The following KCNMB2 variants were observed in gnomAD, a reference collection of about 807,000 sequenced individuals.
KCNMB2 encodes the protein calcium-activated potassium channel subunit beta-2.
KCNMB2 carries 9 observed loss-of-function variants against 24.5 expected under a neutral mutation model. The observed-to-expected ratio is 0.37, with a 90% CI of 0.22 to 0.64. The LOEUF is 0.64. Ranked by LOEUF, KCNMB2 falls within the 30% of genes least tolerant of loss-of-function variation. KCNMB2 has a pLI of 0.63. For missense variants in KCNMB2, 226 were observed against 284.3 expected, an observed-to-expected ratio of 0.79 and a Z score of 1.47; for synonymous variants, 109 against 104.4, an observed-to-expected ratio of 1.04 and a Z score of -0.27.
At chr3:178,581,348 C>T (rs564846216) in intron 1 of KCNMB2, among the ~76,000 whole-genome samples, 36 of 152,260 alleles carry the variant, frequency 2.4e-4, no homozygotes, top group South Asian at 6.2e-4. Context: ...CTTCCTTACA[C>T]GTTATACAAA....
intron 2 of KCNMB2, 38 bp downstream of exon 2, chr3:178,807,503 T>A (rs555829559): frequency 6.4e-7 from 1 of 1,553,428 alleles, no homozygotes; most frequent in East Asian, 2.2e-5. Flanking sequence ...TTCAGAAGCA[T>A]TTAACCTGAC....
intron 1 of KCNMB2, among the ~76,000 whole-genome samples, chr3:178,753,639 A>G (rs1166357267): frequency 2.6e-5 from 4 of 152,186 alleles, no homozygotes; most frequent in Non-Finnish European, 5.9e-5. Flanking sequence ...AATTAGATGG[A>G]ATATAGAAAA....
chr3:178,670,685 C>T (rs140493508), intron 1 of KCNMB2, among the ~76,000 whole-genome samples: 4 of 152,214 alleles, frequency 2.6e-5, no homozygotes, highest in Middle Eastern at 3.4e-3. Flanking sequence ...GTTTTGAATC[C>T]GGGCTTTGAA....
chr3:178,576,692 C>G (rs1436062931), intron 1 of KCNMB2, among the ~76,000 whole-genome samples: 1 of 152,158 alleles, frequency 6.6e-6, no homozygotes, highest in Non-Finnish European at 1.5e-5. Context: ...CTTGAGTAGG[C>G]AATTTTCCCC....
chr3:178,573,257 C>T (rs1373390812), intron 1 of KCNMB2, among the ~76,000 whole-genome samples: 1 of 152,146 alleles, frequency 6.6e-6, no homozygotes, highest in Non-Finnish European at 1.5e-5. Flanking sequence ...GATCCACCTG[C>T]TTCAGCATCC....
In KCNMB2 at chr3:178,650,902, A is replaced by G. The variant is rs193288546; in HGVS notation, c.-68+114191A>G. ...TCTCAATAAACTAGGTATTGATGGA[A>G]CGTATCTCAAAATTATAAGAGCTAT... On this transcript the variant is annotated intron_variant, in intron 1 of 4. Transcript: ENST00000452583. 8.7e-4 allele frequency among the ~76,000 whole-genome samples: 133 copies of G among 152,350 alleles called. 1 individual carries two copies. The highest frequency in any genetic ancestry group is 1.3e-3 in the Non-Finnish European group (88 of 68,040).
chr3:178,587,492 T>C (rs557177070), intron 1 of KCNMB2, among the ~76,000 whole-genome samples: 14 of 152,074 alleles, frequency 9.2e-5, no homozygotes, highest in African/African-American at 3.4e-4. Flanking sequence ...GGTGCCATCT[T>C]GGCTCACTGC....
rs1715480997 is a variant in KCNMB2, at chr3:178,842,946, A to C, written c.*9A>C. Reference sequence around the variant, plus strand: ...AACGGATCAATAGATAAATGCAAAAATGGATAAAATAATTTTTGTTAAAGC... The same window carrying C: ...AACGGATCAATAGATAAATGCAAAACTGGATAAAATAATTTTTGTTAAAGC... On this transcript the variant is annotated 3_prime_UTR_variant, in exon 5 of 5. Coordinates refer to ENST00000452583, the MANE Select transcript of KCNMB2 (RefSeq NM_181361.3). 1 of 1,587,182 alleles carries C rather than the reference A, an allele frequency of 6.3e-7. No homozygotes were observed. Among genetic ancestry groups the C allele is most frequent in the Non-Finnish European group, 8.6e-7 (1 of 1,166,108 alleles).
At chr3:178,560,615 T>A (rs1716284035) in intron 1 of KCNMB2, among the ~76,000 whole-genome samples, 1 of 152,232 alleles carries the variant, frequency 6.6e-6, no homozygotes, top group Non-Finnish European at 1.5e-5. Flanking sequence ...AAGTTTTCTT[T>A]TCCTAAATGT....
At chr3:178,640,956 C>G (rs1422634466) in intron 1 of KCNMB2, among the ~76,000 whole-genome samples, 1 of 152,100 alleles carries the variant, frequency 6.6e-6, no homozygotes, top group Non-Finnish European at 1.5e-5. Flanking sequence ...AAAAGACTAC[C>G]TTTCCTCCAT....
chr3:178,819,628 T>C (rs936731330), intron 2 of KCNMB2, among the ~76,000 whole-genome samples: 2 of 152,128 alleles, frequency 1.3e-5, no homozygotes, highest in African/African-American at 4.8e-5. Flanking sequence ...TCACTGATTC[T>C]TCTTTTCAGC....
At chr3:178,579,893 A>G (rs1305805866) in intron 1 of KCNMB2, among the ~76,000 whole-genome samples, 5 of 152,142 alleles carry the variant, frequency 3.3e-5, no homozygotes, top group Admixed American at 6.5e-5. Context: ...CCTACCAACC[A>G]AAAAAGCCCA....
intron 1 of KCNMB2, among the ~76,000 whole-genome samples, chr3:178,676,385 T>C (rs978426848): frequency 6.6e-6 from 1 of 152,164 alleles, no homozygotes; most frequent in Non-Finnish European, 1.5e-5. Flanking sequence ...CTGACACAGA[T>C]GGAGAGGGAC....
chr3:178,799,463 C>T (rs1344612531), intron 1 of KCNMB2, among the ~76,000 whole-genome samples: 2 of 151,978 alleles, frequency 1.3e-5, no homozygotes, highest in Non-Finnish European at 2.9e-5. Context: ...TGGGAATAAA[C>T]TTAACCAAAG....
chr3:178,551,483 C>T (rs556537367), intron 1 of KCNMB2, among the ~76,000 whole-genome samples: 3 of 152,280 alleles, frequency 2.0e-5, no homozygotes, highest in African/African-American at 4.8e-5. Flanking sequence ...CCCATCACTT[C>T]GGCCTTTCGA....
rs529718913 is a variant in KCNMB2, at chr3:178,662,076, T to C, written c.-68+125365T>C. ...ATGGTATGACTAAGGCCACACAGAATATTCCATAGGTACTAACTCTAGATG... is the reference window on the plus strand; with the variant it reads ...ATGGTATGACTAAGGCCACACAGAACATTCCATAGGTACTAACTCTAGATG... On this transcript the variant is annotated intron_variant, in intron 1 of 4. Coordinates refer to ENST00000452583, the MANE Select transcript of KCNMB2 (RefSeq NM_181361.3). Among the ~76,000 whole-genome samples the C allele has an allele frequency of 2.6e-5, 4 of 152,318 alleles. No homozygotes were observed. In the South Asian group the frequency reaches 8.3e-4, roughly 32 times the overall value.
chr3:178,610,303 G>T (rs1043297997), intron 1 of KCNMB2, among the ~76,000 whole-genome samples: 1 of 151,980 alleles, frequency 6.6e-6, no homozygotes, highest in African/African-American at 2.4e-5. Flanking sequence ...TAATTTCTGT[G>T]AAAAATATTG....
At chr3:178,695,943 C>A (rs760333063) in intron 1 of KCNMB2, among the ~76,000 whole-genome samples, 2 of 152,168 alleles carry the variant, frequency 1.3e-5, no homozygotes, top group Non-Finnish European at 2.9e-5. Context: ...TCTCCCAGCA[C>A]CAATTTACTG....
chr3:178,622,910 T>C (rs1718974859), intron 1 of KCNMB2, among the ~76,000 whole-genome samples: 1 of 152,156 alleles, frequency 6.6e-6, no homozygotes, highest in Non-Finnish European at 1.5e-5. Flanking sequence ...TTAACTAAGT[T>C]TCAAGCCCAG....
Sources: allele counts gnomAD v4.1 joint callset (sites outside exome capture counted in the v4.1 genomes callset), GRCh38; gene constraint gnomAD v4.1.1; transcripts MANE v1.5; gene names NCBI Gene and HGNC (gene_info 2026-07-23, HGNC 2026-07-21).